CCL17: variants seen among roughly 807,000 people sequenced by gnomAD.
CCL17 encodes C-C motif chemokine ligand 17, also known as C-C motif chemokine 17.
In CCL17, 8 loss-of-function variants were observed where a neutral mutation model predicts 7.4. The ratio of observed to expected loss-of-function variants is 1.09; its 90% confidence interval spans 0.64 to 1.96. The LOEUF is 1.96. Ranked by LOEUF, CCL17 falls within the 30% of genes most tolerant of loss-of-function variation. The pLI is 0.00. For synonymous variants in CCL17, 40 were observed against 46.1 expected, an observed-to-expected ratio of 0.87 and a Z score of 0.54; for missense variants, 102 against 113.0, an observed-to-expected ratio of 0.90 and a Z score of 0.44.
At chr16:57,409,737 C>G (rs1458240627) in intron 1 of CCL17, among the ~76,000 whole-genome samples, 1 of 152,100 alleles carries the variant, frequency 6.6e-6, no homozygotes, top group Admixed American at 6.5e-5. Flanking sequence ...CCTGAGGAAC[C>G]AAGAGGACAC....
At chr16:57,410,156 G>A (rs768695581) in intron 1 of CCL17, among the ~76,000 whole-genome samples, 8 of 152,276 alleles carry the variant, frequency 5.3e-5, no homozygotes, top group Non-Finnish European at 1.0e-4. Flanking sequence ...TCCTGGTTCC[G>A]CCCACTGCCT....
At chr16:57,413,001 T>C (rs113904706) in intron 1 of CCL17, among the ~76,000 whole-genome samples, 6 of 152,336 alleles carry the variant, frequency 3.9e-5, no homozygotes, top group African/African-American at 1.4e-4. Context: ...TGCCATGCCA[T>C]GAGCTGGGGT....
chr16:57,408,795 C>G (rs927615056), intron 1 of CCL17, among the ~76,000 whole-genome samples: 1 of 151,504 alleles, frequency 6.6e-6, no homozygotes, highest in Non-Finnish European at 1.5e-5. Flanking sequence ...AGGATGGTCT[C>G]GATCTCCTGA....
At chr16:57,408,312 T>A (rs1902730129) in intron 1 of CCL17, among the ~76,000 whole-genome samples, 1 of 151,718 alleles carries the variant, frequency 6.6e-6, no homozygotes, top group South Asian at 2.1e-4. Context: ...CCATCATCCA[T>A]CCTCCATCCA....
upstream of CCL17, among the ~76,000 whole-genome samples, chr16:57,400,088 G>A (rs138662586): frequency 2.2e-4 from 34 of 152,288 alleles, no homozygotes; most frequent in East Asian, 5.2e-3. Flanking sequence ...GGCAGGACGC[G>A]GTGGCTCACG....
the CCL17 span, among the ~76,000 whole-genome samples, chr16:57,396,363 A>G: frequency 6.6e-6 from 1 of 152,178 alleles, no homozygotes; most frequent in Non-Finnish European, 1.5e-5. Flanking sequence ...TGTGTATGTT[A>G]AAAAGGTGTG....
At chr16:57,414,059 C>T (rs1902828462) in intron 2 of CCL17, 57 bp downstream of exon 2, 3 of 1,399,304 alleles carry the variant, frequency 2.1e-6, no homozygotes, top group Non-Finnish European at 3.0e-6. Context: ...GGGTTGGGGG[C>T]ATGAAGACCA....
intron 1 of CCL17, among the ~76,000 whole-genome samples, chr16:57,413,021 G>T (rs1407710651): frequency 6.6e-6 from 1 of 152,224 alleles, no homozygotes; most frequent in Admixed American, 6.5e-5. Flanking sequence ...TGCCTGGAAA[G>T]TCAGCTCAGG....
chr16:57,405,877 CAAAA>C (rs35155439), intron 1 of CCL17, among the ~76,000 whole-genome samples: 1 of 140,318 alleles, frequency 7.1e-6, no homozygotes, highest in African/African-American at 2.7e-5. Flanking sequence ...ACTAAAAATA[CAAAA>C]AAAAAAAAAA....
At chr16:57,411,491 T>G (rs574196829) in intron 1 of CCL17, among the ~76,000 whole-genome samples, 1 of 152,334 alleles carries the variant, frequency 6.6e-6, no homozygotes, top group East Asian at 1.9e-4. Context: ...CGAAGAGGAC[T>G]CAGAACCCAC....
intron 1 of CCL17, among the ~76,000 whole-genome samples, chr16:57,410,433 T>A (rs368964878): frequency 1.3e-5 from 2 of 152,156 alleles, no homozygotes; most frequent in Non-Finnish European, 2.9e-5. Context: ...ACTCTCCTAA[T>A]AGGCCTAACA....
chr16:57,415,026 C>T lies in CCL17; in HGVS notation c.71-55C>T, dbSNP rs202070339. ...TCCACGAACACCCCCCAGAGGTCCC[C>T]GCAACACACACGCAGACACTCACAG... On this transcript the variant is annotated intron_variant, in intron 2 of 3. Coordinates refer to ENST00000219244, the MANE Select transcript of CCL17 (RefSeq NM_002987.3). The surrounding 1 kb of genome is among the most constrained non-coding windows in gnomAD (Gnocchi z 4.5). The T allele has an allele frequency of 1.3e-4, 156 of 1,202,170 alleles. No individual in the cohort carries two copies. Among genetic ancestry groups the T allele is most frequent in the South Asian group, 2.4e-4 (20 of 82,838 alleles). 74.5% of individuals were successfully genotyped at this position (1,202,170 alleles called of 1,614,324 possible). A position where few individuals can be genotyped will look rare whatever the true frequency, so the allele number is the denominator to read the frequency against.
chr16:57,402,356 T>C (rs1482567722), upstream of CCL17, among the ~76,000 whole-genome samples: 1 of 152,228 alleles, frequency 6.6e-6, no homozygotes, highest in Non-Finnish European at 1.5e-5. Context: ...ACCAGGCTCC[T>C]TGGAAAGGGT....
rs111411083 is a variant in CCL17, at chr16:57,412,887, G to A, written c.-59-987G>A. ...TGATGCTGTGGCCTGGGGCTGAGAC[G>A]CTAGAGTCACAGAGAAGCCAGTTCA... On this transcript the variant is annotated intron_variant, in intron 1 of 3. Coordinates refer to ENST00000219244, the MANE Select transcript of CCL17 (RefSeq NM_002987.3). Among the ~76,000 whole-genome samples, 182 of 152,308 alleles carry A rather than the reference G, an allele frequency of 1.2e-3. 2 individuals are homozygous for A. Among genetic ancestry groups the A allele is most frequent in the African/African-American group, 4.2e-3 (174 of 41,560 alleles).
chr16:57,401,043 C>CCTTCTT (rs10680121), upstream of CCL17, among the ~76,000 whole-genome samples: 1,353 of 150,834 alleles, frequency 9.0e-3, 35 homozygotes, highest in East Asian at 0.079. Context: ...CTCCAGACAC[C>CCTTCTT]CTTCTTCTTC....
At chr16:57,400,719 A>G (rs1353828583), upstream of CCL17, among the ~76,000 whole-genome samples, 1 of 152,184 alleles carries the variant, frequency 6.6e-6, no homozygotes, top group African/African-American at 2.4e-5. Flanking sequence ...CTGTAATCCC[A>G]GCACTTTGGG....
chr16:57,414,719 A>C (rs1293793407), intron 2 of CCL17, among the ~76,000 whole-genome samples: 1 of 152,130 alleles, frequency 6.6e-6, no homozygotes, highest in African/African-American at 2.4e-5. Context: ...TTCTTATATT[A>C]GGTTGGGAAA....
At chr16:57,404,095 C>T (rs1053412191), upstream of CCL17, among the ~76,000 whole-genome samples, 4 of 152,066 alleles carry the variant, frequency 2.6e-5, no homozygotes, top group Non-Finnish European at 5.9e-5. Context: ...GGGAGGAGGC[C>T]AGGGTGGCTG....
chr16:57,415,836 A>AC lies in CCL17; in HGVS notation c.262dup (p.Leu88ProfsTer5). 6.2e-7 allele frequency: 1 copy of AC among 1,612,086 alleles called. No homozygotes were observed. The highest frequency in any genetic ancestry group is 1.7e-4 in the Middle Eastern group (1 of 6,058). ...AAGAGAGTGAAGAATGCAGTTAAAT[A>AC]CCTGCAAAGCCTTGAGAGGTCTTGA... On this transcript the variant is annotated frameshift_variant, in exon 4 of 4. Transcript: ENST00000219244. LOFTEE classifies it low-confidence loss of function (END_TRUNC). This position sits in a 1 kb window ranked among gnomAD's most constrained non-coding sequence, Gnocchi z 4.5.
Sources: gnomAD v4.1 joint callset for allele counts (sites outside exome capture counted in the v4.1 genomes callset) on GRCh38, gnomAD v4.1.1 for gene constraint, Gnocchi (gnomAD v3.1) non-coding constraint, MANE v1.5 for transcripts, NCBI Gene and HGNC (gene_info 2026-07-23, HGNC 2026-07-21) for gene names.